The following KHDRBS2 variants were observed in gnomAD, a reference collection of about 807,000 sequenced individuals.
KHDRBS2 encodes the protein KH RNA binding domain containing, signal transduction associated 2.
In KHDRBS2, 26 loss-of-function variants were observed where a neutral mutation model predicts 44.3. The observed-to-expected ratio is 0.59, with a 90% confidence interval of 0.43 to 0.81. The LOEUF (loss-of-function observed/expected upper bound fraction) is 0.81, where lower values mean the gene tolerates loss of function less well. KHDRBS2 is among the 40% of genes least tolerant of loss of function. The pLI, the probability that KHDRBS2 is intolerant of heterozygous loss-of-function variation, is 0.00. For synonymous variants in KHDRBS2, 194 were observed against 151.1 expected, an observed-to-expected ratio of 1.28 and a Z score of -2.08; for missense variants, 476 against 433.1, an observed-to-expected ratio of 1.10 and a Z score of -0.88.
At chr6:61,706,541 G>C (rs1470196908) in intron 7 of KHDRBS2, among the ~76,000 whole-genome samples, 1 of 151,716 alleles carries the variant, frequency 6.6e-6, no homozygotes, top group Non-Finnish European at 1.5e-5. Flanking sequence ...GGAAATTTGA[G>C]ATCATTCTCT....
chr6:61,592,660 AT>A, the KHDRBS2 span, among the ~76,000 whole-genome samples: 1 of 152,158 alleles, frequency 6.6e-6, no homozygotes, highest in African/African-American at 2.4e-5. Flanking sequence ...AAAGAAGTAT[AT>A]TTTAGGGTGA....
chr6:61,878,472 C>G (rs1305446772), intron 6 of KHDRBS2, among the ~76,000 whole-genome samples: 1 of 151,922 alleles, frequency 6.6e-6, no homozygotes, highest in Non-Finnish European at 1.5e-5. Context: ...TTATCTGTAG[C>G]TGACTGTCTA....
rs1584406162 is a variant in KHDRBS2, at chr6:62,057,163, T to A, written c.220-9169A>T. ...AACTTTTCTTTTAATGTGCATGTTT[T>A]AAAATTTATAAAAGTACAATCTACC... is the stretch of plus-strand genomic sequence containing the variant. On this transcript the variant is annotated intron_variant, in intron 2 of 8. Coordinates refer to ENST00000281156, the MANE Select transcript of KHDRBS2 (RefSeq NM_152688.4). Among the ~76,000 whole-genome samples, 6 of 152,052 alleles carry A rather than the reference T, an allele frequency of 3.9e-5. No homozygotes were observed. In the East Asian group the frequency reaches 9.8e-4, roughly 25 times the overall value.
chr6:62,243,548 G>C (rs138205987), intron 1 of KHDRBS2, among the ~76,000 whole-genome samples: 1 of 149,966 alleles, frequency 6.7e-6, no homozygotes, highest in East Asian at 2.0e-4. Flanking sequence ...TTACTCTGAA[G>C]TGTAAAGAAA....
intron 7 of KHDRBS2, among the ~76,000 whole-genome samples, chr6:61,699,708 C>T (rs1768351443): frequency 6.6e-6 from 1 of 151,916 alleles, no homozygotes; most frequent in South Asian, 2.1e-4. Flanking sequence ...AAAGAAAAGT[C>T]TATATATCAG....
intron 6 of KHDRBS2, among the ~76,000 whole-genome samples, chr6:61,797,552 C>T (rs1036922380): frequency 6.6e-6 from 1 of 152,056 alleles, no homozygotes; most frequent in Admixed American, 6.6e-5. Flanking sequence ...TGCTTTTCCC[C>T]TTCTACTGCT....
chr6:61,692,033 G>C (rs1441678686), intron 8 of KHDRBS2, among the ~76,000 whole-genome samples: 2 of 152,022 alleles, frequency 1.3e-5, no homozygotes, highest in African/African-American at 2.4e-5. Context: ...TTAATAAATA[G>C]CTCTTTTCTC....
At chr6:61,996,368 A>G (rs1263443958) in intron 3 of KHDRBS2, among the ~76,000 whole-genome samples, 2 of 152,210 alleles carry the variant, frequency 1.3e-5, no homozygotes, top group Non-Finnish European at 2.9e-5. Context: ...AATACAAGAG[A>G]CAAATAGAAA....
chr6:61,941,979 A>G (rs1812229687), intron 4 of KHDRBS2, among the ~76,000 whole-genome samples: 1 of 152,060 alleles, frequency 6.6e-6, no homozygotes. Context: ...TATTATTATT[A>G]TTATTGGGAC....
At chr6:62,233,780 G>A (rs116066340) in intron 1 of KHDRBS2, among the ~76,000 whole-genome samples, 432 of 152,148 alleles carry the variant, frequency 2.8e-3, no homozygotes, top group Non-Finnish European at 4.5e-3. Context: ...AGGCATAATG[G>A]CCTCTAGCTC....
chr6:61,733,941 A>C (rs376307401), intron 6 of KHDRBS2, among the ~76,000 whole-genome samples: 81 of 152,198 alleles, frequency 5.3e-4, no homozygotes, highest in African/African-American at 1.9e-3. Flanking sequence ...GCACTTCATA[A>C]ATTCTTTTCA....
chr6:62,020,878 G>T lies in KHDRBS2; in HGVS notation c.336+27000C>A, dbSNP rs137991906. ...ACTTGATCCGGCTATCCCATTACTG[G>T]ATATACACCCAAAATAATACAAACC... On this transcript the variant is annotated intron_variant, in intron 3 of 8. Coordinates refer to ENST00000281156, the MANE Select transcript of KHDRBS2 (RefSeq NM_152688.4). Among the ~76,000 whole-genome samples the T allele has an allele frequency of 3.3e-5, 5 of 152,046 alleles. No individual in the cohort carries two copies. The East Asian group carries it at 9.7e-4, about 29-fold the overall frequency.
chr6:61,770,299 G>A (rs1397132053), intron 6 of KHDRBS2, among the ~76,000 whole-genome samples: 2 of 152,234 alleles, frequency 1.3e-5, no homozygotes, highest in Non-Finnish European at 2.9e-5. Flanking sequence ...CCAAAGGAAG[G>A]CAGCTCTTCA....
chr6:62,255,442 T>C (rs1332673412), intron 1 of KHDRBS2, among the ~76,000 whole-genome samples: 3 of 152,056 alleles, frequency 2.0e-5, no homozygotes, highest in Non-Finnish European at 4.4e-5. Context: ...GCTATCTCCA[T>C]CTTATGGATG....
the KHDRBS2 span, among the ~76,000 whole-genome samples, chr6:61,629,756 C>A: frequency 6.6e-6 from 1 of 152,076 alleles, no homozygotes; most frequent in Admixed American, 6.6e-5. Context: ...TGTAGAACAC[C>A]TAATCTGTGA....
intron 2 of KHDRBS2, among the ~76,000 whole-genome samples, chr6:62,091,830 G>A (rs1401075749): frequency 6.6e-6 from 1 of 152,102 alleles, no homozygotes; most frequent in Non-Finnish European, 1.5e-5. Context: ...ATAAAGCACG[G>A]TTGATAGTAA....
intron 7 of KHDRBS2, among the ~76,000 whole-genome samples, chr6:61,702,777 C>G (rs967671830): frequency 6.6e-6 from 1 of 151,846 alleles, no homozygotes; most frequent in East Asian, 1.9e-4. Context: ...TATTAATCTG[C>G]TATTGGCTCC....
intron 7 of KHDRBS2, among the ~76,000 whole-genome samples, chr6:61,702,503 C>T (rs1768849174): frequency 6.6e-6 from 1 of 151,898 alleles, no homozygotes; most frequent in Admixed American, 6.6e-5. Flanking sequence ...ATATAGTTGG[C>T]AATTAATACA....
At chr6:62,256,891 G>A (rs898121219) in intron 1 of KHDRBS2, among the ~76,000 whole-genome samples, 1 of 152,022 alleles carries the variant, frequency 6.6e-6, no homozygotes, top group African/African-American at 2.4e-5. Context: ...CCCATATAGG[G>A]TTAAACCAGT....
Sources: gnomAD v4.1 joint callset for allele counts (sites outside exome capture counted in the v4.1 genomes callset) on GRCh38, gnomAD v4.1.1 for gene constraint, MANE v1.5 for transcripts, NCBI Gene and HGNC (gene_info 2026-07-23, HGNC 2026-07-21) for gene names.